KCNIP4: variants seen among roughly 807,000 people sequenced by gnomAD.
KCNIP4 encodes potassium voltage-gated channel interacting protein 4.
In KCNIP4, 12 loss-of-function variants were observed where a neutral mutation model predicts 34.0. That is an observed-to-expected ratio of 0.35 (90% CI 0.23 to 0.57). The LOEUF (loss-of-function observed/expected upper bound fraction) is 0.57, where lower values mean the gene tolerates loss of function less well. Among genes scored for constraint, KCNIP4 ranks in the 20% least tolerant of loss-of-function variants. KCNIP4 has a pLI of 0.83. For missense variants in KCNIP4, 238 were observed against 311.7 expected (o/e 0.76, Z 1.78); for synonymous variants, 124 against 102.2 (o/e 1.21, Z -1.29).
intron 3 of KCNIP4, among the ~76,000 whole-genome samples, chr4:20,776,724 C>G (rs1030878351): frequency 6.6e-6 from 1 of 152,142 alleles, no homozygotes; most frequent in Non-Finnish European, 1.5e-5. Context: ...GTGCCAGGCA[C>G]TGTCCATTTT....
At chr4:21,754,697 C>T (rs1355362607) in intron 1 of KCNIP4, among the ~76,000 whole-genome samples, 1 of 152,070 alleles carries the variant, frequency 6.6e-6, no homozygotes, top group Non-Finnish European at 1.5e-5. Flanking sequence ...AGAAGCTTCC[C>T]TAAACTGTCA....
chr4:21,935,476 A>G (rs1428209219), intron 1 of KCNIP4, among the ~76,000 whole-genome samples: 1 of 151,902 alleles, frequency 6.6e-6, no homozygotes, highest in Non-Finnish European at 1.5e-5. Context: ...GTCCCTACAC[A>G]TTTATTCATG....
At chr4:21,269,748 T>C (rs1762029210) in intron 1 of KCNIP4, among the ~76,000 whole-genome samples, 1 of 151,874 alleles carries the variant, frequency 6.6e-6, no homozygotes, top group African/African-American at 2.4e-5. Flanking sequence ...TAACCTAAAT[T>C]AGAAATTTAC....
chr4:21,304,970 T>TA (rs11321134), intron 1 of KCNIP4, among the ~76,000 whole-genome samples: 244 of 149,730 alleles, frequency 1.6e-3, no homozygotes, highest in Non-Finnish European at 2.2e-3. Flanking sequence ...AGTTTGAGAA[T>TA]AAAAAAAAAA....
intron 1 of KCNIP4, among the ~76,000 whole-genome samples, chr4:20,938,478 G>A (rs1731306319): frequency 6.6e-6 from 1 of 152,140 alleles, no homozygotes; most frequent in Admixed American, 6.5e-5. Flanking sequence ...TTGATCAGCT[G>A]AAGCATCAAA....
At chr4:21,906,962 T>C (rs1728039818) in intron 1 of KCNIP4, among the ~76,000 whole-genome samples, 3 of 152,240 alleles carry the variant, frequency 2.0e-5, no homozygotes, top group African/African-American at 7.2e-5. Context: ...TCCACTTTGA[T>C]ACACGAAGCT....
At chr4:21,625,755 C>T (rs79298476) in intron 1 of KCNIP4, among the ~76,000 whole-genome samples, 1 of 152,228 alleles carries the variant, frequency 6.6e-6, no homozygotes, top group East Asian at 1.9e-4. Context: ...TGACTAAATG[C>T]TAGAGGAAAT....
At chr4:20,819,568 G>A (rs922577830) in intron 3 of KCNIP4, among the ~76,000 whole-genome samples, 1 of 152,202 alleles carries the variant, frequency 6.6e-6, no homozygotes, top group African/African-American at 2.4e-5. Flanking sequence ...CATAGCATAT[G>A]CTCAGAGAAT....
At chr4:21,525,494 T>C (rs1397654515) in intron 1 of KCNIP4, among the ~76,000 whole-genome samples, 1 of 152,114 alleles carries the variant, frequency 6.6e-6, no homozygotes, top group Non-Finnish European at 1.5e-5. Flanking sequence ...CCAACCCCCA[T>C]AAAAATATTT....
In KCNIP4 at chr4:21,234,319, TAAC is replaced by T. The variant is rs1360268054; in HGVS notation, c.62-351613_62-351611del. Among the ~76,000 whole-genome samples the T allele has an allele frequency of 6.0e-4, 59 of 97,844 alleles. 10 individuals carry two copies. Among genetic ancestry groups the T allele is most frequent in the Middle Eastern group, 0.012 (1 of 82 alleles). 64.2% of individuals were successfully genotyped at this position (97,844 alleles called of 152,430 possible). ...ATATATAACATATATAACATATATATAACATATATAAATTATATATAACATACA... is the reference window on the plus strand; with the variant it reads ...ATATATAACATATATAACATATATATATATATAAATTATATATAACATACA... On this transcript the variant is annotated intron_variant, in intron 1 of 8. Coordinates refer to ENST00000382152, the MANE Select transcript of KCNIP4 (RefSeq NM_025221.6).
At chr4:21,167,756 G>T (rs1383170025) in intron 1 of KCNIP4, among the ~76,000 whole-genome samples, 1 of 152,188 alleles carries the variant, frequency 6.6e-6, no homozygotes, top group Non-Finnish European at 1.5e-5. Flanking sequence ...AATGAAAAAT[G>T]AAAGTCCTCC....
chr4:21,645,598 C>T (rs572520118), intron 1 of KCNIP4, among the ~76,000 whole-genome samples: 1 of 152,056 alleles, frequency 6.6e-6, no homozygotes, highest in African/African-American at 2.4e-5. Flanking sequence ...GGGATCAATA[C>T]CACTATTCTG....
chr4:21,231,096 A>G (rs1187733443), intron 1 of KCNIP4, among the ~76,000 whole-genome samples: 1 of 152,160 alleles, frequency 6.6e-6, no homozygotes, highest in Non-Finnish European at 1.5e-5. Flanking sequence ...GAGATAATGC[A>G]TGTACATCCT....
intron 1 of KCNIP4, among the ~76,000 whole-genome samples, chr4:21,134,237 A>G (rs1751324557): frequency 6.6e-6 from 1 of 152,050 alleles, no homozygotes; most frequent in South Asian, 2.1e-4. Context: ...TTCTTAGTCT[A>G]CTCAATATGA....
intron 1 of KCNIP4, chr4:21,544,703 G>C (rs1737991463): frequency 6.6e-6 from 1 of 152,088 alleles, no homozygotes; most frequent in Non-Finnish European, 1.5e-5. Flanking sequence ...TTAGTTCTGG[G>C]AATTGCCCAC....
chr4:20,890,587 A>G (rs912015712), intron 1 of KCNIP4, among the ~76,000 whole-genome samples: 2 of 152,204 alleles, frequency 1.3e-5, no homozygotes, highest in African/African-American at 4.8e-5. Flanking sequence ...AGATTAATAA[A>G]TTAGTTGGCT....
At chr4:20,731,900 G>A (rs1748348009) in intron 8 of KCNIP4, 106 bp downstream of exon 8, 1 of 1,505,544 alleles carries the variant, frequency 6.6e-7, no homozygotes, top group African/African-American at 1.4e-5. Flanking sequence ...GGTAAACTTA[G>A]GCATATGATC....
rs529517691 is a variant in KCNIP4, at chr4:21,152,246, C to T, written c.62-269537G>A. Among the ~76,000 whole-genome samples, 13 of 152,262 alleles carry T rather than the reference C, an allele frequency of 8.5e-5. 1 individual carries two copies. The East Asian group carries it at 2.5e-3, about 29-fold the overall frequency. ...CCAGCCTGGATGACAAAGCTAGACT[C>T]CGTTTCAAAATAAATAAATAAAATA... On this transcript the variant is annotated intron_variant, in intron 1 of 8. Coordinates refer to ENST00000382152, the MANE Select transcript of KCNIP4 (RefSeq NM_025221.6).
intron 1 of KCNIP4, among the ~76,000 whole-genome samples, chr4:21,436,216 T>C (rs1181875288): frequency 2.0e-5 from 3 of 152,200 alleles, no homozygotes; most frequent in Non-Finnish European, 1.5e-5. Context: ...ATAGTCTTAC[T>C]GACTGCTGAG....
Sources: allele counts gnomAD v4.1 joint callset (sites outside exome capture counted in the v4.1 genomes callset), GRCh38; gene constraint gnomAD v4.1.1; transcripts MANE v1.5; gene names NCBI Gene and HGNC (gene_info 2026-07-23, HGNC 2026-07-21).